The following MBD5 variants were observed in gnomAD, a reference collection of about 807,000 sequenced individuals.
MBD5 encodes methyl-CpG binding domain protein 5.
A neutral mutation model predicts 117.3 loss-of-function variants in MBD5; 13 were observed. The observed-to-expected ratio is 0.11, with a 90% CI of 0.07 to 0.18. The LOEUF is 0.18. MBD5 is among the 10% of genes least tolerant of loss of function. The pLI is 1.00. For missense variants in MBD5, 1,879 were observed against 2,093.8 expected, an observed-to-expected ratio of 0.90 and a Z score of 2.00; for synonymous variants, 727 against 766.4, an observed-to-expected ratio of 0.95 and a Z score of 0.85.
At chr2:148,291,266 C>A (rs1351660873) in intron 3 of MBD5, among the ~76,000 whole-genome samples, 1 of 152,152 alleles carries the variant, frequency 6.6e-6, no homozygotes, top group African/African-American at 2.4e-5. Context: ...ATAGAGATTA[C>A]ATTGAATCAG....
At chr2:148,397,893 A>G (rs539419635) in intron 4 of MBD5, among the ~76,000 whole-genome samples, 2 of 151,498 alleles carry the variant, frequency 1.3e-5, no homozygotes, top group South Asian at 4.2e-4. Context: ...ATGAGTGAGA[A>G]CATGCAGTGT....
At chr2:148,204,246 A>C (rs931468963) in intron 2 of MBD5, among the ~76,000 whole-genome samples, 2 of 152,154 alleles carry the variant, frequency 1.3e-5, no homozygotes, top group South Asian at 4.1e-4. Context: ...TGGAAGGAGC[A>C]CAAGAAAGGC....
chr2:148,361,081 C>T (rs1467422395), intron 4 of MBD5, among the ~76,000 whole-genome samples: 1 of 152,140 alleles, frequency 6.6e-6, no homozygotes, highest in Non-Finnish European at 1.5e-5. Flanking sequence ...GGCGTGGTGG[C>T]TCATGCCTAT....
At chr2:148,272,177 C>T (rs1201336380) in intron 3 of MBD5, among the ~76,000 whole-genome samples, 2 of 152,142 alleles carry the variant, frequency 1.3e-5, no homozygotes, top group Admixed American at 6.5e-5. Context: ...GTTTTCTTTA[C>T]CTATTCATCT....
intron 4 of MBD5, among the ~76,000 whole-genome samples, chr2:148,401,290 T>G (rs147757437): frequency 2.0e-3 from 311 of 152,194 alleles, no homozygotes; most frequent in African/African-American, 7.1e-3. Context: ...TCTTGCGGAG[T>G]TCAGCAGCAC....
At chr2:148,470,530 A>G (rs572929907) in intron 8 of MBD5, 69 bp downstream of exon 8, 2 of 1,202,378 alleles carry the variant, frequency 1.7e-6, no homozygotes, top group Admixed American at 5.0e-5. Context: ...AATTTGTACC[A>G]AAATATTTAT....
At chr2:148,178,346 C>T (rs1030214957) in intron 1 of MBD5, among the ~76,000 whole-genome samples, 3 of 152,122 alleles carry the variant, frequency 2.0e-5, no homozygotes, top group Admixed American at 1.3e-4. Context: ...AGCAGGGAAA[C>T]TATTTTTTAG....
intron 1 of MBD5, among the ~76,000 whole-genome samples, chr2:148,047,084 C>T (rs1438622413): frequency 6.6e-6 from 1 of 152,190 alleles, no homozygotes; most frequent in Non-Finnish European, 1.5e-5. Context: ...CTTGCCTTAT[C>T]CACTGTCTCC....
intron 3 of MBD5, among the ~76,000 whole-genome samples, chr2:148,284,465 G>A (rs942222919): frequency 2.3e-4 from 35 of 152,144 alleles, no homozygotes; most frequent in Non-Finnish European, 5.0e-4. Flanking sequence ...CCTGGTGGCC[G>A]TGTTGTGCAG....
chr2:148,328,307 G>C (rs2938706), intron 3 of MBD5, among the ~76,000 whole-genome samples: 143,486 of 152,096 alleles, frequency 0.94, 68,201 homozygotes, highest in East Asian at 1. Flanking sequence ...TGTCTGTGCC[G>C]TGCCCCCAGA....
chr2:148,383,390 C>T (rs2105456413), intron 4 of MBD5, among the ~76,000 whole-genome samples: 1 of 152,254 alleles, frequency 6.6e-6, no homozygotes, highest in African/African-American at 2.4e-5. Flanking sequence ...CATACACTCT[C>T]CCAAGACTAA....
chr2:148,294,502 T>TTTTTTTTTTTTTGTTTTTGTTTTTTTG (rs1559009495), intron 3 of MBD5, among the ~76,000 whole-genome samples: 3 of 13,542 alleles, frequency 2.2e-4, no homozygotes, highest in Admixed American at 1.4e-3. Context: ...GGGATTACAG[T>TTTTTTTTTTTTTGTTTTTGTTTTTTTG]TTTTTTTTTT....
At chr2:148,482,472 AT>A (rs1207258098) in intron 8 of MBD5, among the ~76,000 whole-genome samples, 1 of 152,088 alleles carries the variant, frequency 6.6e-6, no homozygotes, top group African/African-American at 2.4e-5. Context: ...TTTTTAAAAA[AT>A]ATATGTAACA....
At chr2:148,184,600 T>C (rs1698607684) in intron 2 of MBD5, among the ~76,000 whole-genome samples, 1 of 152,214 alleles carries the variant, frequency 6.6e-6, no homozygotes, top group African/African-American at 2.4e-5. Flanking sequence ...TAGGCTTATT[T>C]TAAGTTCTTG....
intron 3 of MBD5, among the ~76,000 whole-genome samples, chr2:148,252,973 C>T (rs760405044): frequency 3.3e-5 from 5 of 152,114 alleles, no homozygotes; most frequent in Non-Finnish European, 7.3e-5. Flanking sequence ...TTGTTATGGA[C>T]GTTTTTCTCT....
At position 148,171,537 on chromosome 2, in the gene MBD5, C is replaced by T. The variant is rs142056617; in HGVS notation, c.-924-7163C>T. On this transcript the variant is annotated intron_variant, in intron 1 of 13. Coordinates refer to ENST00000642680, the MANE Select transcript of MBD5 (RefSeq NM_001378120.1). ...CATACTGAATGGGAAAAGCTGAAAA[C>T]TTTCCCTCTAAGGACCAGAAAAAGA... Among the ~76,000 whole-genome samples the T allele has an allele frequency of 7.4e-3, 1,126 of 152,264 alleles. 12 individuals are homozygous for T. The highest frequency in any genetic ancestry group is 0.025 in the African/African-American group (1,050 of 41,546).
At chr2:148,035,384 A>G (rs1276646202) in intron 1 of MBD5, among the ~76,000 whole-genome samples, 1 of 152,140 alleles carries the variant, frequency 6.6e-6, no homozygotes, top group Non-Finnish European at 1.5e-5. Flanking sequence ...TTTTAGAAAT[A>G]AAATTATCTG....
intron 1 of MBD5, among the ~76,000 whole-genome samples, chr2:148,170,849 C>A (rs1698247272): frequency 6.6e-6 from 1 of 152,128 alleles, no homozygotes; most frequent in Non-Finnish European, 1.5e-5. Flanking sequence ...TCATAAGAGA[C>A]CACTATGAAC....
chr2:148,111,967 A>G (rs936825929), intron 1 of MBD5, among the ~76,000 whole-genome samples: 22 of 152,292 alleles, frequency 1.4e-4, no homozygotes, highest in Middle Eastern at 3.4e-3. Context: ...AATGTGGTCT[A>G]TCTCTCTCAA....
Sources: allele counts gnomAD v4.1 joint callset (sites outside exome capture counted in the v4.1 genomes callset), GRCh38; gene constraint gnomAD v4.1.1; transcripts MANE v1.5; gene names NCBI Gene and HGNC (gene_info 2026-07-23, HGNC 2026-07-21).